MGST1: variants seen among roughly 807,000 people sequenced by gnomAD.
The protein encoded by MGST1 is glutathione S-transferase 12.
A neutral mutation model predicts 8.9 loss-of-function variants in MGST1; 5 were observed. That is an observed-to-expected ratio of 0.56 (90% CI 0.29 to 1.19). MGST1 has a LOEUF of 1.19. Among genes scored for constraint, MGST1 ranks in the 50% most tolerant of loss-of-function variants. The pLI is 0.08. For synonymous variants in MGST1, 54 were observed against 67.8 expected, an observed-to-expected ratio of 0.80 and a Z score of 1.00; for missense variants, 182 against 187.4, an observed-to-expected ratio of 0.97 and a Z score of 0.17.
intron 4 of MGST1, among the ~76,000 whole-genome samples, chr12:16,538,456 C>T (rs1941770713): frequency 6.6e-6 from 1 of 152,128 alleles, no homozygotes; most frequent in Admixed American, 6.5e-5. Flanking sequence ...AGGAACGCCC[C>T]ACTCTACTGG....
At chr12:16,427,169 G>A (rs1054277146) in intron 1 of MGST1, among the ~76,000 whole-genome samples, 5 of 151,964 alleles carry the variant, frequency 3.3e-5, no homozygotes, top group Admixed American at 6.6e-5. Context: ...TTAAAGTTAC[G>A]AAAAACGATT....
chr12:16,386,914 C>G (rs1940508592), intron 1 of MGST1, among the ~76,000 whole-genome samples: 1 of 152,144 alleles, frequency 6.6e-6, no homozygotes, highest in South Asian at 2.1e-4. Context: ...CACTGTCCAC[C>G]CTGTCAGTCA....
chr12:16,562,554 A>T (rs1308556828), intron 4 of MGST1, among the ~76,000 whole-genome samples: 8 of 152,236 alleles, frequency 5.3e-5, no homozygotes, highest in Non-Finnish European at 1.5e-5. Context: ...ACCATTGATC[A>T]TCAGCCTATT....
intron 4 of MGST1, among the ~76,000 whole-genome samples, chr12:16,472,496 G>A (rs1035707483): frequency 1.0e-4 from 15 of 149,694 alleles, no homozygotes; most frequent in African/African-American, 3.7e-4. Flanking sequence ...CACTTTGAAA[G>A]TTCAGCAAAA....
At chr12:16,356,494 TC>T (rs1194513258) in intron 2 of MGST1, among the ~76,000 whole-genome samples, 4 of 152,170 alleles carry the variant, frequency 2.6e-5, no homozygotes, top group Non-Finnish European at 5.9e-5. Context: ...TCGGTTCTCT[TC>T]AACATCTTTA....
chr12:16,488,663 ATAT>A (rs1298029581), intron 4 of MGST1, among the ~76,000 whole-genome samples: 10 of 152,120 alleles, frequency 6.6e-5, no homozygotes, highest in African/African-American at 2.4e-4. Flanking sequence ...TAATTAATAC[ATAT>A]TATTTTAATG....
At chr12:16,398,631 C>T (rs747727066) in intron 1 of MGST1, among the ~76,000 whole-genome samples, 15 of 152,284 alleles carry the variant, frequency 9.9e-5, no homozygotes, top group African/African-American at 3.1e-4. Flanking sequence ...AGAAAATAAC[C>T]GAGCCAGGGA....
chr12:16,490,610 C>T (rs1300496167), intron 4 of MGST1, among the ~76,000 whole-genome samples: 2 of 152,046 alleles, frequency 1.3e-5, no homozygotes, highest in East Asian at 1.9e-4. Context: ...ATACCCTTGG[C>T]AGAATAGTAA....
chr12:16,358,779 CTTTTTTTTTTTTTTTTT>C (rs35081887), intron 3 of MGST1, among the ~76,000 whole-genome samples: 2 of 57,574 alleles, frequency 3.5e-5, no homozygotes, highest in South Asian at 6.9e-4. Flanking sequence ...AAATTCATTC[CTTTTTTTTTTTTTTTTT>C]TTTTTTTTTT....
intron 4 of MGST1, among the ~76,000 whole-genome samples, chr12:16,562,342 C>A (rs919755975): frequency 5.9e-5 from 9 of 152,096 alleles, no homozygotes; most frequent in Admixed American, 5.2e-4. Flanking sequence ...GTTCTTTATT[C>A]AATGAATATA....
At chr12:16,360,546 T>C (rs1939941774) in intron 3 of MGST1, 1 of 165,296 alleles carries the variant, frequency 6.0e-6, no homozygotes, top group Non-Finnish European at 1.2e-5. Flanking sequence ...ACATATTTAT[T>C]TATTTATTTA....
At chr12:16,397,328 G>T (rs866799760) in intron 1 of MGST1, among the ~76,000 whole-genome samples, 25 of 152,244 alleles carry the variant, frequency 1.6e-4, no homozygotes, top group African/African-American at 5.1e-4. Flanking sequence ...AAAAATTTTT[G>T]AAGATAACAT....
chr12:16,364,474 G>C, downstream of MGST1: 1 of 865,020 alleles, frequency 1.2e-6, no homozygotes, highest in Non-Finnish European at 1.4e-6. This position sits in a 1 kb window ranked among gnomAD's most constrained non-coding sequence, Gnocchi z 5.7. Flanking sequence ...GGGTAAAGTT[G>C]AAAAATAGTA....
intron 1 of MGST1, among the ~76,000 whole-genome samples, chr12:16,402,789 T>C (rs1395504927): frequency 6.6e-6 from 1 of 151,864 alleles, no homozygotes; most frequent in Non-Finnish European, 1.5e-5. Flanking sequence ...CTTTCACTTG[T>C]ATTGATCTCC....
At chr12:16,578,522 T>C (rs575712345) in intron 4 of MGST1, among the ~76,000 whole-genome samples, 1 of 152,074 alleles carries the variant, frequency 6.6e-6, no homozygotes, top group African/African-American at 2.4e-5. Context: ...AGTATTAAAA[T>C]AAAAATCACA....
rs985048359 is a variant in MGST1 at position 16,544,780 on chromosome 12, C to A, written n.483-44748C>A. 1.3e-5 allele frequency among the ~76,000 whole-genome samples: 2 copies of A among 151,848 alleles called. No individual in the cohort carries two copies. The highest frequency in any genetic ancestry group is 4.8e-5 in the African/African-American group (2 of 41,352). ...AGCACTGGGTTATGAAAAATTATAACCTATATGAAAGACTTGGAATTATGA... is the reference window on the plus strand; with the variant it reads ...AGCACTGGGTTATGAAAAATTATAAACTATATGAAAGACTTGGAATTATGA... On this transcript the variant is annotated intron_variant and non_coding_transcript_variant, in intron 4 of 4. Coordinates refer to the MGST1 transcript ENST00000538857. This position sits in a 1 kb window ranked among gnomAD's most constrained non-coding sequence, Gnocchi z 4.8.
intron 4 of MGST1, among the ~76,000 whole-genome samples, chr12:16,557,389 C>T (rs551077685): frequency 2.9e-5 from 4 of 137,272 alleles, no homozygotes; most frequent in Admixed American, 1.5e-4. Flanking sequence ...TTTTTTTAAA[C>T]GTAATTCCTA....
chr12:16,374,070 A>T (rs1940341577), intron 3 of MGST1, among the ~76,000 whole-genome samples: 1 of 152,208 alleles, frequency 6.6e-6, no homozygotes, highest in Middle Eastern at 3.4e-3. Context: ...ATATGCAGAT[A>T]TCATGATACA....
chr12:16,526,184 A>T, intron 4 of MGST1, among the ~76,000 whole-genome samples: 1 of 150,950 alleles, frequency 6.6e-6, no homozygotes, highest in Non-Finnish European at 1.5e-5. Context: ...TTTTGTTGCC[A>T]TTGCTTTTGG....
Sources: allele counts gnomAD v4.1 joint callset (sites outside exome capture counted in the v4.1 genomes callset), GRCh38; gene constraint gnomAD v4.1.1; non-coding constraint Gnocchi (gnomAD v3.1); transcripts MANE v1.5; gene names NCBI Gene and HGNC (gene_info 2026-07-23, HGNC 2026-07-21).